CDKN2B-AS1: variants seen among roughly 807,000 people sequenced by gnomAD.
The protein encoded by CDKN2B-AS1 is CDKN2B antisense RNA 1 (non-protein coding).
intron 1 of CDKN2B-AS1, chr9:22,012,311 G>T (rs1412195491): frequency 1.4e-6 from 2 of 1,460,100 alleles, no homozygotes; most frequent in East Asian, 4.6e-5. Context: ...GCTGGAGGAT[G>T]GCCGCACTCT....
At chr9:22,108,389 A>G (rs1288960094) in intron 4 of CDKN2B-AS1, among the ~76,000 whole-genome samples, 1 of 152,214 alleles carries the variant, frequency 6.6e-6, no homozygotes, top group East Asian at 1.9e-4. Flanking sequence ...TTGGTCATTC[A>G]ATAAGTAGTT....
At chr9:22,067,179 A>G (rs748698656) in intron 4 of CDKN2B-AS1, among the ~76,000 whole-genome samples, 43 of 152,016 alleles carry the variant, frequency 2.8e-4, no homozygotes, top group African/African-American at 8.0e-4. Flanking sequence ...AAACCTGCAC[A>G]TTGTGCACAT....
chr9:22,008,857 G>C (rs1477175908), intron 1 of CDKN2B-AS1: 2 of 1,611,252 alleles, frequency 1.2e-6, no homozygotes, highest in Non-Finnish European at 8.5e-7. Flanking sequence ...GCTTCCAGGA[G>C]CTGTCGCACC....
chr9:22,019,982 A>T (rs560979232), intron 1 of CDKN2B-AS1, among the ~76,000 whole-genome samples: 2 of 152,196 alleles, frequency 1.3e-5, no homozygotes, highest in African/African-American at 4.8e-5. Flanking sequence ...TAAGTCTAGT[A>T]CTTGTTAGTT....
At chr9:22,044,180 T>C (rs1009378890) in intron 1 of CDKN2B-AS1, among the ~76,000 whole-genome samples, 1 of 152,074 alleles carries the variant, frequency 6.6e-6, no homozygotes, top group Non-Finnish European at 1.5e-5. Flanking sequence ...ACTTTATTTT[T>C]AGTCAGCTCA....
intron 4 of CDKN2B-AS1, among the ~76,000 whole-genome samples, chr9:22,097,523 A>T (rs571053351): frequency 6.6e-6 from 1 of 152,338 alleles, no homozygotes; most frequent in East Asian, 1.9e-4. Flanking sequence ...AAGTTGAAAG[A>T]ATAATAACTA....
intron 1 of CDKN2B-AS1, chr9:22,029,512 A>G (rs1400036984): frequency 3.8e-6 from 3 of 779,580 alleles, no homozygotes; most frequent in Non-Finnish European, 2.4e-6. Context: ...AGCTCCTCTC[A>G]TCTGATCTCC....
At position 22,016,603 on chromosome 9, in the gene CDKN2B-AS1, T is replaced by C; in HGVS notation, n.29+21442T>C. Among the ~76,000 whole-genome samples, 2 of 151,898 alleles carry C rather than the reference T, an allele frequency of 1.3e-5. 1 individual carries two copies. Among genetic ancestry groups the C allele is most frequent in the East Asian group, 3.9e-4 (2 of 5,178 alleles). ...TGGTACTGGTACCAAAACAGAGATA[T>C]AGATCAATGGAACAGAACAGAGCCC... On this transcript the variant is annotated intron_variant and non_coding_transcript_variant, in intron 1 of 4. Transcript: ENST00000650946.
At chr9:22,073,149 G>A (rs547136419) in intron 4 of CDKN2B-AS1, among the ~76,000 whole-genome samples, 309 of 152,038 alleles carry the variant, frequency 2.0e-3, no homozygotes, top group Middle Eastern at 3.4e-3. Flanking sequence ...CTTTTATAAA[G>A]GGACCTAGGA....
intron 4 of CDKN2B-AS1, chr9:22,112,375 G>A (rs1306206886): frequency 2.6e-5 from 4 of 152,148 alleles, no homozygotes; most frequent in East Asian, 1.9e-4. Flanking sequence ...CGAGTTCTAC[G>A]TTCTACAACA....
chr9:22,088,136 T>C (rs968190878), intron 4 of CDKN2B-AS1, among the ~76,000 whole-genome samples: 1 of 152,038 alleles, frequency 6.6e-6, no homozygotes, highest in Non-Finnish European at 1.5e-5. Flanking sequence ...CCCTTGGAGG[T>C]GACTTAGGCC....
intron 4 of CDKN2B-AS1, among the ~76,000 whole-genome samples, chr9:22,062,578 A>T (rs1319859814): frequency 6.6e-6 from 1 of 152,116 alleles, no homozygotes; most frequent in African/African-American, 2.4e-5. Flanking sequence ...TCCTTACATG[A>T]TTCCAAGAGT....
intron 1 of CDKN2B-AS1, chr9:22,012,032 C>G (rs372151235): frequency 1.8e-6 from 1 of 551,324 alleles, no homozygotes; most frequent in Non-Finnish European, 3.3e-6. Context: ...ACTCAGATCA[C>G]TAGTAATAAT....
chr9:22,016,320 A>C (rs1216206857), intron 1 of CDKN2B-AS1, among the ~76,000 whole-genome samples: 2 of 152,242 alleles, frequency 1.3e-5, no homozygotes, highest in East Asian at 3.8e-4. Flanking sequence ...ATGGAAGAAC[A>C]TTCCATGCTT....
intron 1 of CDKN2B-AS1, among the ~76,000 whole-genome samples, chr9:22,019,877 A>C (rs1048108656): frequency 6.6e-6 from 1 of 152,178 alleles, no homozygotes; most frequent in Non-Finnish European, 1.5e-5. Context: ...TTTAAAAAAA[A>C]CTTTTAAGTT....
intron 3 of CDKN2B-AS1, among the ~76,000 whole-genome samples, chr9:22,051,397 A>C (rs1823339679): frequency 6.6e-6 from 1 of 152,122 alleles, no homozygotes; most frequent in South Asian, 2.1e-4. Context: ...TTTATTCCCA[A>C]AGAGTTATGC....
rs1221596623 is a variant in CDKN2B-AS1, at chr9:22,001,078, C to G, written n.29+5917C>G. 6.6e-6 allele frequency among the ~76,000 whole-genome samples: 1 copy of G among 152,002 alleles called. No individual in the cohort carries two copies. Among genetic ancestry groups the G allele is most frequent in the Non-Finnish European group, 1.5e-5 (1 of 67,970 alleles). On this transcript the variant is annotated intron_variant and non_coding_transcript_variant, in intron 1 of 4. Coordinates refer to ENST00000650946, the Ensembl canonical transcript of CDKN2B-AS1. The surrounding 1 kb of genome is among the most constrained non-coding windows in gnomAD (Gnocchi z 4.2). Reference sequence around the variant, plus strand: ...CATAGATAGACGGCAGATGGGAATTCGTTTAAAATGGAATGGAGACCCAGA... The same window carrying G: ...CATAGATAGACGGCAGATGGGAATTGGTTTAAAATGGAATGGAGACCCAGA...
chr9:22,014,914 T>C (rs996238002), intron 1 of CDKN2B-AS1, among the ~76,000 whole-genome samples: 3 of 152,038 alleles, frequency 2.0e-5, no homozygotes, highest in Non-Finnish European at 4.4e-5. Context: ...TCCAATTTCA[T>C]CCATGTCCCT....
chr9:22,124,854 ACAAT>A (rs1289873454), intron 4 of CDKN2B-AS1, among the ~76,000 whole-genome samples: 2 of 152,240 alleles, frequency 1.3e-5, no homozygotes, highest in Admixed American at 6.5e-5. Context: ...TAGCTATAAA[ACAAT>A]CAATCTTTTA....
Sources: gnomAD v4.1 joint callset for allele counts (sites outside exome capture counted in the v4.1 genomes callset) on GRCh38, gnomAD v4.1.1 for gene constraint, Gnocchi (gnomAD v3.1) non-coding constraint, MANE v1.5 for transcripts, NCBI Gene and HGNC (gene_info 2026-07-23, HGNC 2026-07-21) for gene names.